The following FRY variants were observed in gnomAD, a reference collection of about 807,000 sequenced individuals.
FRY encodes the protein FRY microtubule binding protein.
Under a neutral mutation model 348.4 loss-of-function variants are expected in FRY, and 128 were observed. The ratio of observed to expected loss-of-function variants is 0.37; its 90% CI spans 0.32 to 0.43. FRY has a LOEUF of 0.43. Among genes scored for constraint, FRY ranks in the 20% least tolerant of loss-of-function variants. FRY has a pLI of 1.00. For missense variants in FRY, 2,736 were observed against 3,695.2 expected (o/e 0.74, Z 6.73); for synonymous variants, 1,370 against 1,374.7 (o/e 1.00, Z 0.08).
At chr13:32,137,554 T>G (rs569032560) in intron 11 of FRY, among the ~76,000 whole-genome samples, 1 of 152,370 alleles carries the variant, frequency 6.6e-6, no homozygotes, top group Non-Finnish European at 1.5e-5. Flanking sequence ...ATTCACTGTT[T>G]CCAGCAATAC....
chr13:32,194,497 T>C (rs1883558370), intron 29 of FRY, among the ~76,000 whole-genome samples, 200 bp downstream of exon 29: 1 of 152,218 alleles, frequency 6.6e-6, no homozygotes, highest in Admixed American at 6.5e-5. Flanking sequence ...TATCAGGAAA[T>C]GATTTGTTGT....
At chr13:32,257,604 C>T (rs1460767261) in intron 51 of FRY, among the ~76,000 whole-genome samples, 1 of 151,852 alleles carries the variant, frequency 6.6e-6, no homozygotes, top group East Asian at 1.9e-4. Context: ...TTCATGTTTC[C>T]ATAACATTTA....
At chr13:32,258,049 C>A in intron 51 of FRY, 1 of 1,109,552 alleles carries the variant, frequency 9.0e-7, no homozygotes, top group Non-Finnish European at 1.4e-6. Context: ...AACATAATTG[C>A]TTTTTTCCTC....
intron 58 of FRY, among the ~76,000 whole-genome samples, chr13:32,279,737 A>C (rs1376283702): frequency 1.3e-5 from 2 of 152,262 alleles, no homozygotes; most frequent in Non-Finnish European, 2.9e-5. Flanking sequence ...TTTATTACGT[A>C]AAAAGAATCC....
intron 3 of FRY, among the ~76,000 whole-genome samples, chr13:32,106,899 G>A (rs1291672731): frequency 6.6e-6 from 1 of 152,102 alleles, no homozygotes; most frequent in African/African-American, 2.4e-5. Context: ...CCCACTGTGG[G>A]TTTCTCCTCA....
chr13:32,095,379 A>T lies in FRY; in HGVS notation c.271-6584A>T, dbSNP rs572847221. ...TTTTTTTTTTTTGAGACGGAGTCTC[A>T]CTCTGTCACCCAGGCTGGAGTGCAG... On this transcript the variant is annotated intron_variant, in intron 2 of 60. Coordinates refer to ENST00000542859, the MANE Select transcript of FRY (RefSeq NM_023037.3). 3.6e-5 allele frequency among the ~76,000 whole-genome samples: 4 copies of T among 109,904 alleles called. No individual in the cohort carries two copies. In the Admixed American group the frequency reaches 4.4e-4, roughly 12 times the overall value. 72.1% of individuals were successfully genotyped at this position (109,904 alleles called of 152,430 possible). A position where few individuals can be genotyped will look rare whatever the true frequency, so the allele number is the denominator to read the frequency against.
chr13:32,127,659 A>G (rs545262), intron 7 of FRY, among the ~76,000 whole-genome samples: 148,255 of 152,064 alleles, frequency 0.97, 72,361 homozygotes, highest in Non-Finnish European at 1. Context: ...CGCACCTGTA[A>G]TCCCAGCTAC....
At chr13:32,095,984 TTTCC>T (rs1370770879) in intron 2 of FRY, among the ~76,000 whole-genome samples, 3 of 151,908 alleles carry the variant, frequency 2.0e-5, no homozygotes, top group African/African-American at 7.3e-5. Context: ...TTATTCCCTC[TTTCC>T]TTCCTTCCAT....
At chr13:32,260,268 T>G (rs1261614831) in intron 51 of FRY, among the ~76,000 whole-genome samples, 1 of 152,250 alleles carries the variant, frequency 6.6e-6, no homozygotes, top group Admixed American at 6.5e-5. Context: ...TTTTATTTTA[T>G]TCCAATGAAC....
chr13:32,067,007 T>A (rs1362343662), intron 1 of FRY, among the ~76,000 whole-genome samples: 1 of 152,212 alleles, frequency 6.6e-6, no homozygotes, highest in Non-Finnish European at 1.5e-5. Flanking sequence ...TGCACGGTGC[T>A]AAGTGCTGGT....
At chr13:32,092,122 C>T (rs1876354291) in intron 2 of FRY, among the ~76,000 whole-genome samples, 1 of 152,164 alleles carries the variant, frequency 6.6e-6, no homozygotes, top group Admixed American at 6.5e-5. Context: ...TGCACTTCTA[C>T]CCCTTAAATG....
chr13:32,210,720 G>A, intron 33 of FRY, 146 bp from the exon 34 acceptor site: 1 of 707,468 alleles, frequency 1.4e-6, no homozygotes, highest in Non-Finnish European at 2.5e-6. Context: ...CAAGTCCTTG[G>A]TCCATCCTAG....
At chr13:32,252,018 C>A in intron 50 of FRY, 66 bp downstream of exon 50, 1 of 1,095,370 alleles carries the variant, frequency 9.1e-7, no homozygotes, top group Non-Finnish European at 1.4e-6. Context: ...TCTGTTTTTG[C>A]CTTTGGTCAT....
At chr13:32,113,792 A>G (rs879288162) in intron 3 of FRY, among the ~76,000 whole-genome samples, 9 of 152,198 alleles carry the variant, frequency 5.9e-5, no homozygotes, top group Non-Finnish European at 1.0e-4. Flanking sequence ...TTTGAGGGCC[A>G]GGTCTTTGCA....
chr13:32,272,304 CTG>C (rs1270638813), intron 55 of FRY, among the ~76,000 whole-genome samples: 20 of 152,124 alleles, frequency 1.3e-4, no homozygotes, highest in Non-Finnish European at 2.6e-4. Flanking sequence ...GAGGAGGTAA[CTG>C]TGAAAATAAT....
At chr13:32,055,571 A>G (rs1488310417) in intron 1 of FRY, among the ~76,000 whole-genome samples, 1 of 152,158 alleles carries the variant, frequency 6.6e-6, no homozygotes, top group African/African-American at 2.4e-5. Flanking sequence ...TGTACATTTT[A>G]TAAAGCTCTC....
chr13:32,239,580 A>G lies in FRY; in HGVS notation c.6517-131A>G. On this transcript the variant is annotated intron_variant, in intron 45 of 60. Coordinates refer to ENST00000542859, the MANE Select transcript of FRY (RefSeq NM_023037.3). This position sits in a 1 kb window ranked among gnomAD's most constrained non-coding sequence, Gnocchi z 4.3. ...TGTGAAAATTATATTAGCCAAGCTAAGTATTTCCTGTAATTACCAAAAAGT... is the reference window on the plus strand; with the variant it reads ...TGTGAAAATTATATTAGCCAAGCTAGGTATTTCCTGTAATTACCAAAAAGT... The G allele has an allele frequency of 1.4e-6, 1 of 734,366 alleles. No individual in the cohort carries two copies. The highest frequency in any genetic ancestry group is 2.7e-5 in the East Asian group (1 of 37,372). 45.5% of individuals were successfully genotyped at this position (734,366 alleles called of 1,614,324 possible).
At chr13:32,112,558 A>G (rs1275958036) in intron 3 of FRY, among the ~76,000 whole-genome samples, 1 of 152,216 alleles carries the variant, frequency 6.6e-6, no homozygotes, top group East Asian at 1.9e-4. Context: ...TTCTGAGAAC[A>G]TTAAGCTGTA....
chr13:32,294,529 C>T lies in FRY; in HGVS notation c.8742C>T (p.Asn2914=), dbSNP rs1454999772. The change falls in exon 60 of 61, where the codon AAC becomes AAT. Residue 2914 remains asparagine, a synonymous_variant. Coordinates refer to ENST00000542859, the MANE Select transcript of FRY (RefSeq NM_023037.3). The stretch of plus-strand genomic sequence containing the variant: ...AGTCCATGCTGGAGTGCCTGAAGAA[C>T]AACGAACTCGGCAAAGCTTTGCGGC... ...AIQSMLECLK[N]NELGKALRQI... The T allele has an allele frequency of 6.2e-6, 10 of 1,614,166 alleles. No individual in the cohort carries two copies. Among genetic ancestry groups the T allele is most frequent in the Non-Finnish European group, 8.5e-6 (10 of 1,180,002 alleles).
Sources: gnomAD v4.1 joint callset for allele counts (sites outside exome capture counted in the v4.1 genomes callset) on GRCh38, gnomAD v4.1.1 for gene constraint, Gnocchi (gnomAD v3.1) non-coding constraint, MANE v1.5 for transcripts, NCBI Gene and HGNC (gene_info 2026-07-23, HGNC 2026-07-21) for gene names.